Variants in STEAP1B observed in about 807,000 individuals in gnomAD.
The protein encoded by STEAP1B is STEAP family protein MGC87042.
A neutral mutation model predicts 27.9 loss-of-function variants in STEAP1B; 13 were observed. That is an observed-to-expected ratio of 0.47 (90% CI 0.30 to 0.74). The LOEUF (loss-of-function observed/expected upper bound fraction) is 0.74, where lower values mean the gene tolerates loss of function less well. Ranked by LOEUF, STEAP1B falls within the 30% of genes least tolerant of loss-of-function variation. STEAP1B has a pLI of 0.06. For missense variants in STEAP1B, 250 were observed against 298.7 expected (o/e 0.84, Z 1.20); for synonymous variants, 86 against 107.1 (o/e 0.80, Z 1.22).
intron 4 of STEAP1B, among the ~76,000 whole-genome samples, chr7:22,481,166 T>C (rs981204154): frequency 5.3e-5 from 8 of 152,228 alleles, no homozygotes; most frequent in Non-Finnish European, 1.2e-4. Flanking sequence ...CCAGGTGATG[T>C]GACCGCCGCT....
At chr7:22,499,795 T>A (rs1410636128) in intron 1 of STEAP1B, among the ~76,000 whole-genome samples, 1 of 152,152 alleles carries the variant, frequency 6.6e-6, no homozygotes, top group African/African-American at 2.4e-5. Flanking sequence ...AAACTTGCCA[T>A]CAAAATCCAA....
chr7:22,480,620 C>G (rs749594106), intron 4 of STEAP1B, among the ~76,000 whole-genome samples: 3 of 152,326 alleles, frequency 2.0e-5, no homozygotes, highest in Non-Finnish European at 2.9e-5. Context: ...TGGCTCCAGG[C>G]TGAATTTTCC....
At chr7:22,420,795 A>G (rs2128397604) in intron 4 of STEAP1B, among the ~76,000 whole-genome samples, 1 of 152,308 alleles carries the variant, frequency 6.6e-6, no homozygotes, top group East Asian at 1.9e-4. Flanking sequence ...GCATATTCTA[A>G]TCACTTACAT....
intron 4 of STEAP1B, among the ~76,000 whole-genome samples, chr7:22,471,636 G>A (rs1305356168): frequency 6.6e-6 from 1 of 152,166 alleles, no homozygotes; most frequent in Non-Finnish European, 1.5e-5. Context: ...CAGGTACGGT[G>A]GCTCACACCT....
At chr7:22,454,920 T>C (rs1785555068) in intron 4 of STEAP1B, among the ~76,000 whole-genome samples, 1 of 138,264 alleles carries the variant, frequency 7.2e-6, no homozygotes, top group Admixed American at 7.8e-5. Flanking sequence ...TGGAGTGCAC[T>C]GGTGCAATCT....
intron 4 of STEAP1B, among the ~76,000 whole-genome samples, chr7:22,453,080 T>G (rs2128405127): frequency 6.6e-6 from 1 of 152,294 alleles, no homozygotes; most frequent in East Asian, 1.9e-4. Flanking sequence ...TCCCCTGCAG[T>G]CTTTCTCACT....
intron 4 of STEAP1B, among the ~76,000 whole-genome samples, chr7:22,483,541 A>G (rs1786123550): frequency 6.6e-6 from 1 of 152,198 alleles, no homozygotes; most frequent in Non-Finnish European, 1.5e-5. Context: ...AAGCAAGTCT[A>G]TTAGTGTCAT....
At chr7:22,465,303 G>A (rs1196906375) in intron 4 of STEAP1B, among the ~76,000 whole-genome samples, 1 of 152,020 alleles carries the variant, frequency 6.6e-6, no homozygotes, top group Non-Finnish European at 1.5e-5. Context: ...TTCAGACCAT[G>A]GTCGACCTTG....
chr7:22,481,580 T>C (rs10239540), intron 4 of STEAP1B, among the ~76,000 whole-genome samples: 13,889 of 152,250 alleles, frequency 0.091, 775 homozygotes, highest in Non-Finnish European at 0.12. Flanking sequence ...TTTAACAAGA[T>C]CCCTGCGTTG....
At chr7:22,490,497 C>A (rs1363384164) in intron 4 of STEAP1B, among the ~76,000 whole-genome samples, 1 of 152,048 alleles carries the variant, frequency 6.6e-6, no homozygotes, top group Non-Finnish European at 1.5e-5. Flanking sequence ...TTTCCAAACT[C>A]AAAAAAACTC....
chr7:22,475,187 C>A (rs570866621), intron 4 of STEAP1B, among the ~76,000 whole-genome samples: 2 of 152,322 alleles, frequency 1.3e-5, no homozygotes, highest in African/African-American at 4.8e-5. Context: ...CCTATCCTGG[C>A]CTGCGTGTGG....
At chr7:22,428,585 T>C (rs1263967699) in intron 4 of STEAP1B, among the ~76,000 whole-genome samples, 1 of 152,118 alleles carries the variant, frequency 6.6e-6, no homozygotes, top group Non-Finnish European at 1.5e-5. Flanking sequence ...AGAGAAATTA[T>C]ATAATAATTT....
chr7:22,441,225 G>A (rs1433436320), intron 4 of STEAP1B, among the ~76,000 whole-genome samples: 3 of 151,966 alleles, frequency 2.0e-5, no homozygotes, highest in Admixed American at 2.0e-4. Flanking sequence ...AGTGTCCCAG[G>A]TTGGATAAAT....
chr7:22,452,662 C>A (rs758355306), intron 4 of STEAP1B, among the ~76,000 whole-genome samples: 12 of 152,128 alleles, frequency 7.9e-5, no homozygotes, highest in Non-Finnish European at 1.6e-4. Context: ...GATTGATAGG[C>A]TGGGTCCTGA....
intron 4 of STEAP1B, among the ~76,000 whole-genome samples, chr7:22,480,990 C>T (rs1786059858): frequency 1.3e-5 from 2 of 152,238 alleles, no homozygotes; most frequent in Admixed American, 1.3e-4. Context: ...ATGGTTACCA[C>T]TTAGGTGTTC....
chr7:22,422,970 T>C (rs1174998168), intron 4 of STEAP1B, among the ~76,000 whole-genome samples: 1 of 152,170 alleles, frequency 6.6e-6, no homozygotes, highest in Non-Finnish European at 1.5e-5. Context: ...AAAGAGATCA[T>C]AAAAAACTTC....
rs555145397 is a variant in STEAP1B, at chr7:22,493,213, T to C, written c.597+111A>G. 29 of 1,289,628 alleles carry C rather than the reference T, an allele frequency of 2.2e-5. No individual in the cohort carries two copies. The East Asian group carries it at 6.6e-4, about 29-fold the overall frequency. 79.9% of individuals were successfully genotyped at this position (1,289,628 alleles called of 1,614,324 possible). A position where few individuals can be genotyped will look rare whatever the true frequency, so the allele number is the denominator to read the frequency against. ...AAAAATTTTAAAATAGATGACTTTT[T>C]CAACACAGAGTTTCAACAGGGTTGG... On this transcript the variant is annotated intron_variant, in intron 3 of 4. Transcript: ENST00000678116.
At chr7:22,469,462 C>T (rs1046646270) in intron 4 of STEAP1B, among the ~76,000 whole-genome samples, 14 of 152,162 alleles carry the variant, frequency 9.2e-5, no homozygotes, top group Admixed American at 2.0e-4. Context: ...AATGTCCTAA[C>T]CTTTCACTTT....
chr7:22,457,178 G>A (rs75259975), intron 4 of STEAP1B, among the ~76,000 whole-genome samples: 1,850 of 151,502 alleles, frequency 0.012, 46 homozygotes, highest in African/African-American at 0.043. Context: ...GTGAGCATTA[G>A]ATCTCAGGGT....
Sources: allele counts gnomAD v4.1 joint callset (sites outside exome capture counted in the v4.1 genomes callset), GRCh38; gene constraint gnomAD v4.1.1; transcripts MANE v1.5; gene names NCBI Gene and HGNC (gene_info 2026-07-23, HGNC 2026-07-21).